The following ADGRL3 variants were observed in gnomAD, a reference collection of about 807,000 sequenced individuals.
ADGRL3 encodes calcium-independent alpha-latrotoxin receptor 3.
A neutral mutation model predicts 153.5 loss-of-function variants in ADGRL3; 62 were observed. The observed-to-expected ratio is 0.40, with a 90% CI of 0.33 to 0.50. ADGRL3 has a LOEUF of 0.50. ADGRL3 is among the 20% of genes least tolerant of loss of function. The pLI is 0.47. For synonymous variants in ADGRL3, 710 were observed against 672.5 expected, an observed-to-expected ratio of 1.06 and a Z score of -0.86; for missense variants, 1,641 against 1,859.4, an observed-to-expected ratio of 0.88 and a Z score of 2.16.
At chr4:62,051,658 A>G (rs1734287319) in intron 25 of ADGRL3, among the ~76,000 whole-genome samples, 2 of 151,760 alleles carry the variant, frequency 1.3e-5, no homozygotes, top group Non-Finnish European at 3.0e-5. Flanking sequence ...TTGTTAACCT[A>G]AAGCTCTCAT....
In ADGRL3 at chr4:61,946,904, T is replaced by C; in HGVS notation, c.2420-10T>C. On this transcript the variant is annotated splice_polypyrimidine_tract_variant and intron_variant, in intron 15 of 26. Transcript: ENST00000683033. ...GTGGACAAACTAATCAGAGTTTGCA[T>C]TTACTTTAGGAGAGATCAGAGTGGC... is the stretch of plus-strand genomic sequence containing the variant. 2 of 1,608,350 alleles carry C rather than the reference T, an allele frequency of 1.2e-6. No homozygotes were observed. The highest frequency in any genetic ancestry group is 4.5e-5 in the East Asian group (2 of 44,820).
intron 1 of ADGRL3, among the ~76,000 whole-genome samples, chr4:61,264,587 G>A (rs185673892): frequency 2.0e-5 from 3 of 152,018 alleles, no homozygotes; most frequent in African/African-American, 7.2e-5. Flanking sequence ...TAAAACCAGT[G>A]TATATTACAC....
chr4:61,707,882 T>C (rs973135070), intron 6 of ADGRL3, among the ~76,000 whole-genome samples: 1 of 152,114 alleles, frequency 6.6e-6, no homozygotes, highest in African/African-American at 2.4e-5. Flanking sequence ...ATTAGAGACA[T>C]TGTGGAGGGC....
At chr4:62,016,562 T>G (rs2099212768) in intron 21 of ADGRL3, among the ~76,000 whole-genome samples, 1 of 152,172 alleles carries the variant, frequency 6.6e-6, no homozygotes. Context: ...ATGGGCATAC[T>G]TTATGTTTTT....
intron 21 of ADGRL3, among the ~76,000 whole-genome samples, chr4:62,000,877 G>A (rs1333629421): frequency 6.6e-6 from 1 of 151,950 alleles, no homozygotes; most frequent in African/African-American, 2.4e-5. Flanking sequence ...GACCTCCTGG[G>A]CTCAAGATAC....
chr4:61,910,578 C>A (rs1264860763), intron 12 of ADGRL3, among the ~76,000 whole-genome samples: 1 of 151,676 alleles, frequency 6.6e-6, no homozygotes, highest in Non-Finnish European at 1.5e-5. Context: ...CTTCAAATGA[C>A]ATGGGTTCCC....
Position 62,074,273 on chromosome 4 carries a change from T to C in ADGRL3, c.*3365T>C, listed in dbSNP as rs1395821923. 2 of 152,056 alleles carry C rather than the reference T, an allele frequency of 1.3e-5. No individual in the cohort carries two copies. Among genetic ancestry groups the C allele is most frequent in the Admixed American group, 6.5e-5 (1 of 15,270 alleles). 9.4% of individuals were successfully genotyped at this position (152,056 alleles called of 1,614,324 possible). On this transcript the variant is annotated 3_prime_UTR_variant, in exon 27 of 27. Transcript: ENST00000683033. ...TTTAGCCAGCTAGAAGTAAAACTTA[T>C]GCCACCGAAACAAACAAATGATTAC... is the stretch of plus-strand genomic sequence containing the variant.
At chr4:61,809,165 T>C (rs532054917) in intron 8 of ADGRL3, among the ~76,000 whole-genome samples, 1 of 152,216 alleles carries the variant, frequency 6.6e-6, no homozygotes, top group South Asian at 2.1e-4. Flanking sequence ...TGCAGCACTA[T>C]ATAGAAAATG....
chr4:61,216,821 A>C (rs1467421260), intron 1 of ADGRL3, among the ~76,000 whole-genome samples: 2 of 152,200 alleles, frequency 1.3e-5, no homozygotes, highest in African/African-American at 4.8e-5. Context: ...GAAAAGGATA[A>C]AAATAATACC....
chr4:61,398,658 A>G (rs145319413), intron 2 of ADGRL3, among the ~76,000 whole-genome samples: 2 of 150,008 alleles, frequency 1.3e-5, no homozygotes, highest in African/African-American at 4.9e-5. Context: ...TTATCCTCCC[A>G]CTTCACTTAT....
At chr4:61,547,902 C>T (rs1232775885) in intron 4 of ADGRL3, among the ~76,000 whole-genome samples, 1 of 152,078 alleles carries the variant, frequency 6.6e-6, no homozygotes, top group African/African-American at 2.4e-5. Flanking sequence ...TTCTCTGCAA[C>T]CTCCCCAGCA....
intron 2 of ADGRL3, among the ~76,000 whole-genome samples, chr4:61,403,517 G>A (rs928967272): frequency 6.6e-6 from 1 of 152,048 alleles, no homozygotes; most frequent in Non-Finnish European, 1.5e-5. Context: ...TTGAAGCCCC[G>A]TGCTCCTTCT....
intron 21 of ADGRL3, among the ~76,000 whole-genome samples, chr4:62,006,283 G>T (rs917787297): frequency 6.6e-6 from 1 of 151,570 alleles, no homozygotes; most frequent in Admixed American, 6.6e-5. Context: ...TGATCAGCCC[G>T]CTTTGGCCTC....
At chr4:61,466,757 C>A (rs2152651620) in intron 2 of ADGRL3, among the ~76,000 whole-genome samples, 1 of 152,130 alleles carries the variant, frequency 6.6e-6, no homozygotes, top group East Asian at 1.9e-4. Context: ...TTGGAAAATT[C>A]TATTGTATAT....
At chr4:61,277,205 A>G (rs28600135) in intron 1 of ADGRL3, among the ~76,000 whole-genome samples, 2,391 of 152,222 alleles carry the variant, frequency 0.016, 36 homozygotes, top group Middle Eastern at 0.037. Context: ...GGACCAATAA[A>G]TCATTTATTC....
At chr4:61,787,176 C>A (rs1034740740) in intron 8 of ADGRL3, among the ~76,000 whole-genome samples, 1 of 151,990 alleles carries the variant, frequency 6.6e-6, no homozygotes, top group African/African-American at 2.4e-5. Context: ...AATAACATCA[C>A]AATTGAAGGT....
chr4:61,206,961 CCA>C (rs1329876743), intron 1 of ADGRL3, among the ~76,000 whole-genome samples: 5 of 150,942 alleles, frequency 3.3e-5, no homozygotes, highest in African/African-American at 1.2e-4. Context: ...CCAGCCTGGT[CCA>C]CAGACCAAGA....
rs1580240092 is a variant in ADGRL3, at chr4:61,678,990, G to A, written c.583+2055G>A. 2.6e-5 allele frequency among the ~76,000 whole-genome samples: 4 copies of A among 152,130 alleles called. No homozygotes were observed. The South Asian group carries it at 8.3e-4, about 32-fold the overall frequency. On this transcript the variant is annotated intron_variant, in intron 6 of 26. Coordinates refer to ENST00000683033, the MANE Select transcript of ADGRL3 (RefSeq NM_001387552.1). ...GAGAAAGACAACCAGAGATCAGAGAGCATGGGTGCTTTTGTTAGTCTGTTT... is the reference window on the plus strand; with the variant it reads ...GAGAAAGACAACCAGAGATCAGAGAACATGGGTGCTTTTGTTAGTCTGTTT...
At chr4:61,486,908 G>A (rs918151384) in intron 2 of ADGRL3, among the ~76,000 whole-genome samples, 2 of 152,040 alleles carry the variant, frequency 1.3e-5, no homozygotes, top group African/African-American at 4.8e-5. Context: ...GAGTAAAATG[G>A]GTTATTGCTA....
Sources: gnomAD v4.1 joint callset for allele counts (sites outside exome capture counted in the v4.1 genomes callset) on GRCh38, gnomAD v4.1.1 for gene constraint, MANE v1.5 for transcripts, NCBI Gene and HGNC (gene_info 2026-07-23, HGNC 2026-07-21) for gene names.